TARS3: variants seen among roughly 807,000 people sequenced by gnomAD.
The protein encoded by TARS3 is threonine--tRNA ligase 2, cytoplasmic.
Under a neutral mutation model 103.5 loss-of-function variants are expected in TARS3, and 94 were observed. The ratio of observed to expected loss-of-function variants is 0.91; its 90% CI spans 0.77 to 1.08. The LOEUF (loss-of-function observed/expected upper bound fraction) is 1.08, where lower values mean the gene tolerates loss of function less well. Among genes scored for constraint, TARS3 ranks in the 50% least tolerant of loss-of-function variants. The pLI is 0.00. For synonymous variants in TARS3, 416 were observed against 355.4 expected (o/e 1.17, Z -1.92); for missense variants, 952 against 995.2 (o/e 0.96, Z 0.58).
chr15:101,664,055 C>G (rs989933630), intron 15 of TARS3: 2 of 152,214 alleles, frequency 1.3e-5, no homozygotes, highest in Admixed American at 6.5e-5. Flanking sequence ...TTCTCTCTCT[C>G]CTCTCATACA....
intron 3 of TARS3, among the ~76,000 whole-genome samples, chr15:101,720,426 T>C (rs1238367620): frequency 6.6e-6 from 1 of 152,116 alleles, no homozygotes; most frequent in African/African-American, 2.4e-5. Flanking sequence ...TCTAAAACAT[T>C]TATCTTCAAT....
intron 15 of TARS3, among the ~76,000 whole-genome samples, chr15:101,671,015 C>G (rs1327524470): frequency 1.3e-5 from 2 of 152,044 alleles, no homozygotes; most frequent in Admixed American, 1.3e-4. Flanking sequence ...AAAGGAGCAG[C>G]ACAAGAGAAC....
chr15:101,667,994 G>A (rs1897648262), intron 15 of TARS3, among the ~76,000 whole-genome samples: 1 of 152,204 alleles, frequency 6.6e-6, no homozygotes, highest in Non-Finnish European at 1.5e-5. Flanking sequence ...GAATTGAAAA[G>A]TTAGGGCTTT....
intron 10 of TARS3, among the ~76,000 whole-genome samples, chr15:101,698,053 C>T (rs1406358166): frequency 6.6e-6 from 1 of 152,208 alleles, no homozygotes; most frequent in Non-Finnish European, 1.5e-5. Context: ...AAAGCTACCC[C>T]AGGCCGGGCG....
chr15:101,705,595 G>C (rs1041033293), intron 7 of TARS3, 88 bp downstream of exon 7: 7 of 1,058,044 alleles, frequency 6.6e-6, no homozygotes, highest in South Asian at 4.2e-5. Context: ...TTGAAAAATC[G>C]ATCTCCAACC....
chr15:101,688,722 T>G (rs1351013769), intron 10 of TARS3, among the ~76,000 whole-genome samples: 2 of 152,218 alleles, frequency 1.3e-5, no homozygotes, highest in African/African-American at 2.4e-5. Context: ...AATGCTATAA[T>G]AAGTTAGAAT....
intron 9 of TARS3, 28 bp downstream of exon 9, chr15:101,702,211 T>A (rs1045028368): frequency 1.9e-6 from 3 of 1,612,534 alleles, no homozygotes; most frequent in Admixed American, 3.3e-5. Context: ...TATGATTACA[T>A]CTCCAGTGAT....
intron 3 of TARS3, among the ~76,000 whole-genome samples, 163 bp downstream of exon 3, chr15:101,720,963 T>A (rs1900425064): frequency 6.6e-6 from 1 of 152,214 alleles, no homozygotes; most frequent in East Asian, 1.9e-4. Context: ...TGCGGAACTG[T>A]GAGTCAATTA....
At position 101,657,159 on chromosome 15, in the gene TARS3, G is replaced by C. The variant is rs140851199; in HGVS notation, c.2146-123C>G. 5.5e-4 allele frequency: 336 copies of C among 610,302 alleles called. 2 individuals carry two copies. In the East Asian group the frequency reaches 9.4e-3, roughly 17 times the overall value. 37.8% of individuals were successfully genotyped at this position (610,302 alleles called of 1,614,324 possible). A position where few individuals can be genotyped will look rare whatever the true frequency, so the allele number is the denominator to read the frequency against. Reference sequence around the variant, plus strand: ...GTTCCCTGCTCACTATACCAGAGCGGGTCTGCGTGACCATAAAGAAGTGCG... The same window carrying C: ...GTTCCCTGCTCACTATACCAGAGCGCGTCTGCGTGACCATAAAGAAGTGCG... On this transcript the variant is annotated intron_variant, in intron 17 of 18. Transcript: ENST00000335968.
At chr15:101,669,936 G>T (rs1897732067) in intron 15 of TARS3, among the ~76,000 whole-genome samples, 1 of 152,210 alleles carries the variant, frequency 6.6e-6, no homozygotes, top group African/African-American at 2.4e-5. Context: ...GTGAAATAGT[G>T]GCCTGTTCTT....
chr15:101,712,784 CTTTCTT>C (rs1349699493), intron 4 of TARS3, among the ~76,000 whole-genome samples: 1 of 152,210 alleles, frequency 6.6e-6, no homozygotes, highest in Admixed American at 6.5e-5. Context: ...TCAGCACTTT[CTTTCTT>C]TTTATTAAAT....
intron 12 of TARS3, among the ~76,000 whole-genome samples, chr15:101,677,254 C>G (rs754713472): frequency 1.3e-5 from 2 of 152,136 alleles, no homozygotes; most frequent in African/African-American, 4.8e-5. Context: ...CAACTTCCAC[C>G]CTCACCAATG....
chr15:101,660,033 G>C (rs1897318974), intron 16 of TARS3, among the ~76,000 whole-genome samples: 2 of 152,182 alleles, frequency 1.3e-5, no homozygotes, highest in Non-Finnish European at 2.9e-5. Flanking sequence ...TCTGACTTAA[G>C]ACAGAGTGGA....
chr15:101,673,453 C>T (rs1405403318), intron 13 of TARS3, among the ~76,000 whole-genome samples: 1 of 152,220 alleles, frequency 6.6e-6, no homozygotes, highest in East Asian at 1.9e-4. Context: ...TTTAAGTTCA[C>T]CATACCCTCA....
At position 101,671,463 on chromosome 15, in the gene TARS3, ATTT is replaced by A. The variant is rs1253085704; in HGVS notation, c.1967+20_1967+22del. The A allele has an allele frequency of 6.5e-7, 1 of 1,540,454 alleles. No homozygotes were observed. The highest frequency in any genetic ancestry group is 1.2e-5 in the South Asian group (1 of 86,766). On this transcript the variant is annotated intron_variant, in intron 15 of 18. Transcript: ENST00000335968. ...AAAATTAGAATATTAGTACTATAAT[ATTT>A]ATCACATTCAATCACTCACCTAACA...
chr15:101,681,712 TA>T (rs1898262503), intron 12 of TARS3, among the ~76,000 whole-genome samples: 2 of 152,186 alleles, frequency 1.3e-5, no homozygotes, highest in Non-Finnish European at 2.9e-5. Flanking sequence ...GGCATCTCCT[TA>T]AAAGGGCACT....
At chr15:101,655,784 G>A (rs1020053707) in intron 18 of TARS3, 99 of 1,191,840 alleles carry the variant, frequency 8.3e-5, no homozygotes, top group Non-Finnish European at 1.0e-4. Context: ...GCTCTTACAG[G>A]CTCACACTGA....
intron 15 of TARS3, 49 bp downstream of exon 15, chr15:101,671,437 A>G (rs1567327703): frequency 7.0e-7 from 1 of 1,431,072 alleles, no homozygotes; most frequent in Non-Finnish European, 9.7e-7. Flanking sequence ...TCAAATGACA[A>G]AAAATTAGAA....
chr15:101,715,139 TACATTC>T (rs1303046772), intron 3 of TARS3, among the ~76,000 whole-genome samples, 176 bp from the exon 4 acceptor site: 3 of 151,534 alleles, frequency 2.0e-5, no homozygotes, highest in African/African-American at 4.8e-5. Context: ...AAAAGTAATA[TACATTC>T]ACTGTTTTTT....
Sources: allele counts gnomAD v4.1 joint callset (sites outside exome capture counted in the v4.1 genomes callset), GRCh38; gene constraint gnomAD v4.1.1; transcripts MANE v1.5; gene names NCBI Gene and HGNC (gene_info 2026-07-23, HGNC 2026-07-21).